Variants in TRA2A observed in about 807,000 individuals in gnomAD.
The protein encoded by TRA2A is transformer 2 alpha homolog.
In TRA2A, 31 loss-of-function variants were observed where a neutral mutation model predicts 45.7. That is an observed-to-expected ratio of 0.68 (90% CI 0.51 to 0.92). TRA2A has a LOEUF of 0.92. Among genes scored for constraint, TRA2A ranks in the 40% least tolerant of loss-of-function variants. The pLI, the probability that TRA2A is intolerant of heterozygous loss-of-function variation, is 0.00. For missense variants in TRA2A, 304 were observed against 367.5 expected, an observed-to-expected ratio of 0.83 and a Z score of 1.41; for synonymous variants, 132 against 126.2, an observed-to-expected ratio of 1.05 and a Z score of -0.31.
At chr7:23,515,662 C>G (rs186861587) in intron 3 of TRA2A, among the ~76,000 whole-genome samples, 63 of 152,244 alleles carry the variant, frequency 4.1e-4, no homozygotes, top group African/African-American at 1.4e-3. Flanking sequence ...TCTCCAGCCT[C>G]AGCCTCTCAA....
chr7:23,514,863 C>A (rs1483555782), intron 3 of TRA2A, among the ~76,000 whole-genome samples: 1 of 152,148 alleles, frequency 6.6e-6, no homozygotes. Context: ...CATGCTCCAC[C>A]ACAGTTTAAG....
At chr7:23,518,062 C>T (rs1052074158) in intron 2 of TRA2A, among the ~76,000 whole-genome samples, 3 of 151,830 alleles carry the variant, frequency 2.0e-5, no homozygotes, top group Admixed American at 6.6e-5. Context: ...CCTCAGCTTC[C>T]CAGACAGCTA....
chr7:23,512,213 C>T (rs1168123994), intron 4 of TRA2A, among the ~76,000 whole-genome samples: 2 of 152,150 alleles, frequency 1.3e-5, no homozygotes, highest in East Asian at 1.9e-4. Flanking sequence ...TTAGAAAGGA[C>T]ACAACAGGCC....
chr7:23,522,489 C>G, intron 1 of TRA2A: 1 of 803,550 alleles, frequency 1.2e-6, no homozygotes, highest in South Asian at 2.7e-5. Flanking sequence ...TAAAACTCTG[C>G]TGGAGTTCAG....
chr7:23,521,136 A>G (rs1039966979), intron 2 of TRA2A, among the ~76,000 whole-genome samples: 87 of 152,178 alleles, frequency 5.7e-4, no homozygotes, highest in Non-Finnish European at 1.9e-4. Flanking sequence ...ACATCTCACC[A>G]GAGCTCTACG....
rs541042048 is a variant in TRA2A at position 23,526,551 on chromosome 7, G to C, written c.37-4711C>G. On this transcript the variant is annotated intron_variant, in intron 1 of 7. Transcript: ENST00000297071. ...TACTACTTACTAAAGAACTTCTTTA[G>C]GAGTTGTAAAAAACCTGTATTTACT... 3.9e-5 allele frequency among the ~76,000 whole-genome samples: 6 copies of C among 152,226 alleles called. No homozygotes were observed. In the South Asian group the frequency reaches 1.0e-3, roughly 26 times the overall value.
Position 23,529,534 on chromosome 7 carries a change from T to C in TRA2A, c.36+2255A>G, listed in dbSNP as rs188758412. Among the ~76,000 whole-genome samples the C allele has an allele frequency of 9.4e-3, 1,431 of 152,252 alleles. 20 individuals carry two copies. The highest frequency in any genetic ancestry group is 0.032 in the African/African-American group (1,314 of 41,546). On this transcript the variant is annotated intron_variant, in intron 1 of 7. Coordinates refer to ENST00000297071, the MANE Select transcript of TRA2A (RefSeq NM_013293.5). ...CTCAGCCTCCCAAAAATTGTTGGATTACAGGCGTGAGCCACTGCGCCCGGC... is the reference window on the plus strand; with the variant it reads ...CTCAGCCTCCCAAAAATTGTTGGATCACAGGCGTGAGCCACTGCGCCCGGC...
intron 1 of TRA2A, among the ~76,000 whole-genome samples, chr7:23,525,637 C>G (rs926067456): frequency 6.6e-6 from 1 of 152,206 alleles, no homozygotes; most frequent in Non-Finnish European, 1.5e-5. Context: ...TTTTCTGTCA[C>G]CCAGGCTGGA....
At position 23,512,382 on chromosome 7, in the gene TRA2A, G is replaced by A. The variant is rs144569405; in HGVS notation, c.525+512C>T. Among the ~76,000 whole-genome samples, 239 of 152,278 alleles carry A rather than the reference G, an allele frequency of 1.6e-3. 2 individuals carry two copies. In the East Asian group the frequency reaches 0.033, roughly 21 times the overall value. ...ACTTGTAGTGTCTGCTACTCAGGAG[G>A]CTGAGGTAGGAGGACTGCTTGAGCC... On this transcript the variant is annotated intron_variant, in intron 4 of 7. Coordinates refer to ENST00000297071, the MANE Select transcript of TRA2A (RefSeq NM_013293.5).
rs778617950 is a variant in TRA2A at position 23,505,728 on chromosome 7, A to T, written c.838+18T>A. 47 of 1,515,220 alleles carry T rather than the reference A, an allele frequency of 3.1e-5. No homozygotes were observed. Among genetic ancestry groups the T allele is most frequent in the Non-Finnish European group, 4.1e-5 (46 of 1,126,108 alleles). The allele number at this position is 1,515,220 out of a possible 1,614,324, so 93.9% of individuals were successfully genotyped here. ...TAGAAATGAGGTTTTTTATGCTACA[A>T]AAGTAAAGTTCACATACTTGGGCTG... On this transcript the variant is annotated intron_variant, in intron 7 of 7. Transcript: ENST00000297071.
intron 4 of TRA2A, among the ~76,000 whole-genome samples, chr7:23,510,974 G>C (rs541622124): frequency 2.6e-5 from 4 of 152,268 alleles, no homozygotes; most frequent in Admixed American, 6.5e-5. Flanking sequence ...GACATTTTGA[G>C]ACTGATTCTA....
chr7:23,506,031 G>A, intron 6 of TRA2A, 107 bp downstream of exon 6: 2 of 1,011,924 alleles, frequency 2.0e-6, no homozygotes, highest in South Asian at 3.4e-5. Flanking sequence ...CGTCATATAT[G>A]ATCTATTTTA....
chr7:23,512,242 C>T (rs1396170287), intron 4 of TRA2A, among the ~76,000 whole-genome samples: 1 of 152,162 alleles, frequency 6.6e-6, no homozygotes, highest in African/African-American at 2.4e-5. Flanking sequence ...TGGCTCATGC[C>T]TGTAAACCCA....
chr7:23,517,920 A>G (rs932439838), intron 2 of TRA2A, among the ~76,000 whole-genome samples: 23 of 151,494 alleles, frequency 1.5e-4, no homozygotes, highest in African/African-American at 5.1e-4. Context: ...TCAACAAACA[A>G]ACAAACAAAC....
chr7:23,520,984 C>A (rs1790111815), intron 2 of TRA2A, among the ~76,000 whole-genome samples: 1 of 152,170 alleles, frequency 6.6e-6, no homozygotes, highest in Admixed American at 6.6e-5. Context: ...TGAGCCACTG[C>A]ACCCAGCCTG....
chr7:23,514,729 G>A (rs935714145), intron 3 of TRA2A, among the ~76,000 whole-genome samples: 1 of 152,072 alleles, frequency 6.6e-6, no homozygotes, highest in African/African-American at 2.4e-5. Flanking sequence ...CCAAGTAGTC[G>A]GGATTACAAG....
chr7:23,509,918 C>T (rs375339510), intron 4 of TRA2A, among the ~76,000 whole-genome samples: 2 of 151,958 alleles, frequency 1.3e-5, no homozygotes, highest in African/African-American at 2.4e-5. Flanking sequence ...CCCAGCTACT[C>T]GGGAGGCTAA....
At chr7:23,511,517 CTA>C (rs1467939953) in intron 4 of TRA2A, among the ~76,000 whole-genome samples, 2 of 147,228 alleles carry the variant, frequency 1.4e-5, no homozygotes, top group Non-Finnish European at 3.0e-5. Flanking sequence ...TCTAACAAAA[CTA>C]AAAGTATTGA....
chr7:23,517,695 C>T (rs1031198875), intron 2 of TRA2A, among the ~76,000 whole-genome samples: 10 of 151,102 alleles, frequency 6.6e-5, no homozygotes, highest in Admixed American at 2.0e-4. Flanking sequence ...AGGCAGATTA[C>T]GAGGTCAAGA....
Sources: gnomAD v4.1 joint callset for allele counts (sites outside exome capture counted in the v4.1 genomes callset) on GRCh38, gnomAD v4.1.1 for gene constraint, MANE v1.5 for transcripts, NCBI Gene and HGNC (gene_info 2026-07-23, HGNC 2026-07-21) for gene names.